CDK14: variants seen among roughly 807,000 people sequenced by gnomAD.
CDK14 encodes the protein cyclin dependent kinase 14.
Under a neutral mutation model 60.7 loss-of-function variants are expected in CDK14, and 34 were observed. That is an observed-to-expected ratio of 0.56 (90% CI 0.43 to 0.75). The LOEUF (loss-of-function observed/expected upper bound fraction) is 0.75, where lower values mean the gene tolerates loss of function less well. CDK14 is among the 30% of genes least tolerant of loss of function. The pLI, the probability that CDK14 is intolerant of heterozygous loss-of-function variation, is 0.00. For missense variants in CDK14, 482 were observed against 564.1 expected, an observed-to-expected ratio of 0.85 and a Z score of 1.47; for synonymous variants, 197 against 203.7, an observed-to-expected ratio of 0.97 and a Z score of 0.28.
intron 14 of CDK14, among the ~76,000 whole-genome samples, chr7:91,141,577 G>A (rs865984599): frequency 1.3e-5 from 2 of 150,172 alleles, no homozygotes; most frequent in Middle Eastern, 6.8e-3. Flanking sequence ...GTGAATAGAG[G>A]TCAGCACAGA....
chr7:90,759,688 G>A (rs1804237612), intron 4 of CDK14, among the ~76,000 whole-genome samples: 5 of 152,136 alleles, frequency 3.3e-5, no homozygotes, highest in South Asian at 4.1e-4. Flanking sequence ...TGCTCTCCCT[G>A]GGGCAGGGTC....
intron 12 of CDK14, among the ~76,000 whole-genome samples, chr7:91,089,592 A>T (rs981079995): frequency 1.1e-4 from 16 of 150,668 alleles, no homozygotes; most frequent in African/African-American, 3.6e-4. Context: ...AAAACAGGCA[A>T]CTGTTTATCT....
chr7:91,139,698 A>G (rs751262414), intron 14 of CDK14, among the ~76,000 whole-genome samples: 32 of 152,344 alleles, frequency 2.1e-4, no homozygotes, highest in Non-Finnish European at 4.4e-4. Context: ...AGCCTCCAGG[A>G]CCATAGCAAA....
intron 3 of CDK14, among the ~76,000 whole-genome samples, chr7:90,736,758 A>T (rs1471484984): frequency 1.3e-5 from 2 of 152,174 alleles, no homozygotes; most frequent in African/African-American, 4.8e-5. Flanking sequence ...TGAGGAAAGC[A>T]TTGTTTTTTG....
At chr7:90,955,610 G>C in intron 8 of CDK14, 87 bp from the exon 9 acceptor site, 1 of 1,487,370 alleles carries the variant, frequency 6.7e-7, no homozygotes, top group Non-Finnish European at 9.3e-7. Context: ...GGTCGGGTTT[G>C]ACCTTTAAGA....
intron 14 of CDK14, among the ~76,000 whole-genome samples, chr7:91,184,305 A>C (rs1025603801): frequency 1.4e-4 from 22 of 151,860 alleles, no homozygotes; most frequent in African/African-American, 5.1e-4. Context: ...GAACTCCTTA[A>C]GAAGCTTCCA....
chr7:90,839,411 T>C (rs1423970045), intron 5 of CDK14, among the ~76,000 whole-genome samples: 1 of 152,216 alleles, frequency 6.6e-6, no homozygotes, highest in Non-Finnish European at 1.5e-5. Context: ...ACAGTTTTGC[T>C]GTTTCAGTGT....
rs199739220 is a variant in CDK14 at position 91,037,464 on chromosome 7, G to GA, written c.1042-8426dup. ...GTTGAATGTGAGGGAGAGAGAGCAT[G>GA]AAAAAAACCTCATTCTGATACTCAA... On this transcript the variant is annotated intron_variant, in intron 10 of 14. Transcript: ENST00000380050. Among the ~76,000 whole-genome samples the GA allele has an allele frequency of 4.3e-3, 651 of 152,168 alleles. 9 individuals carry two copies. The highest frequency in any genetic ancestry group is 0.028 in the East Asian group (143 of 5,176).
At chr7:90,754,787 A>G (rs1428926520) in intron 4 of CDK14, among the ~76,000 whole-genome samples, 2 of 152,170 alleles carry the variant, frequency 1.3e-5, no homozygotes, top group Non-Finnish European at 2.9e-5. Context: ...AAATAACTCC[A>G]TAAAAAGTGA....
chr7:90,832,270 G>A (rs1299708893), intron 5 of CDK14, among the ~76,000 whole-genome samples: 1 of 152,178 alleles, frequency 6.6e-6, no homozygotes, highest in Non-Finnish European at 1.5e-5. Context: ...TAAGTGTTCA[G>A]AAACACTTGT....
At chr7:91,204,327 A>T (rs1802815775) in intron 14 of CDK14, among the ~76,000 whole-genome samples, 1 of 152,212 alleles carries the variant, frequency 6.6e-6, no homozygotes, top group Non-Finnish European at 1.5e-5. Flanking sequence ...AGACTCTTAG[A>T]AGAAAATATA....
chr7:90,945,647 G>A (rs1384175850), intron 8 of CDK14, among the ~76,000 whole-genome samples: 1 of 152,180 alleles, frequency 6.6e-6, no homozygotes, highest in East Asian at 1.9e-4. Context: ...CATTTGGTCA[G>A]TTTGCTGCCC....
In CDK14 at chr7:90,778,586, T is replaced by C. The variant is rs111428917; in HGVS notation, c.465-11987T>C. Among the ~76,000 whole-genome samples the C allele has an allele frequency of 7.9e-5, 12 of 152,270 alleles. No individual in the cohort carries two copies. The South Asian group carries it at 8.3e-4, about 11-fold the overall frequency. On this transcript the variant is annotated intron_variant, in intron 4 of 14. Coordinates refer to ENST00000380050, the MANE Select transcript of CDK14 (RefSeq NM_001287135.2). Reference sequence around the variant, plus strand: ...CTTTCAGTGTTTTTTGTATCAGTCCTTTATGCAGCCCAGAAGGCCCTTCGT... The same window carrying C: ...CTTTCAGTGTTTTTTGTATCAGTCCCTTATGCAGCCCAGAAGGCCCTTCGT...
At chr7:90,964,975 A>G (rs1162860778) in intron 9 of CDK14, among the ~76,000 whole-genome samples, 1 of 152,158 alleles carries the variant, frequency 6.6e-6, no homozygotes. Context: ...AGAATTTATC[A>G]ATTACCTATG....
intron 9 of CDK14, among the ~76,000 whole-genome samples, chr7:90,960,330 A>G (rs1271979517): frequency 6.6e-6 from 1 of 152,152 alleles, no homozygotes; most frequent in African/African-American, 2.4e-5. Context: ...CAGTGTATGA[A>G]GAATGATAGC....
Position 90,895,323 on chromosome 7 carries a change from C to CTTCTT in CDK14, c.640-3967_640-3966insTCTTT, listed in dbSNP as rs1370373741. On this transcript the variant is annotated intron_variant, in intron 6 of 14. Transcript: ENST00000380050. Reference sequence around the variant, plus strand: ...TTCCCATTCTTTCCTCTTCTTTCCTCTCCTTTCCTCTCCTCTCCTCTCCTC... The same window carrying CTTCTT: ...TTCCCATTCTTTCCTCTTCTTTCCTCTTCTTTCCTTTCCTCTCCTCTCCTCTCCTC... Among the ~76,000 whole-genome samples, 7 of 69,130 alleles carry CTTCTT rather than the reference C, an allele frequency of 1.0e-4. 1 individual carries two copies. Among genetic ancestry groups the CTTCTT allele is most frequent in the Admixed American group, 1.4e-4 (1 of 6,976 alleles). The allele number at this position is 69,130 out of a possible 152,430, so 45.4% of individuals were successfully genotyped here. A position where few individuals can be genotyped will look rare whatever the true frequency, so the allele number is the denominator to read the frequency against.
chr7:90,983,376 A>G (rs566669593), intron 9 of CDK14, among the ~76,000 whole-genome samples: 1 of 152,228 alleles, frequency 6.6e-6, no homozygotes, highest in Admixed American at 6.5e-5. Flanking sequence ...ATGCAGCCAT[A>G]AAAAAAGAAT....
At chr7:91,088,196 A>G (rs1028334519) in intron 12 of CDK14, among the ~76,000 whole-genome samples, 1 of 152,196 alleles carries the variant, frequency 6.6e-6, no homozygotes, top group Admixed American at 6.5e-5. Flanking sequence ...TTATCTCTCA[A>G]AACACAATGA....
chr7:90,707,746 T>C (rs555554691), intron 2 of CDK14, among the ~76,000 whole-genome samples: 69 of 152,298 alleles, frequency 4.5e-4, no homozygotes, highest in African/African-American at 1.6e-3. Flanking sequence ...GTCCTTCTTC[T>C]CCTGGGTAGT....
Sources: gnomAD v4.1 joint callset for allele counts (sites outside exome capture counted in the v4.1 genomes callset) on GRCh38, gnomAD v4.1.1 for gene constraint, MANE v1.5 for transcripts, NCBI Gene and HGNC (gene_info 2026-07-23, HGNC 2026-07-21) for gene names.